The following COL19A1 variants were observed in gnomAD, a reference collection of about 807,000 sequenced individuals.
The protein encoded by COL19A1 is collagen type XIX alpha 1 chain.
COL19A1 carries 159 observed loss-of-function variants against 190.2 expected under a neutral mutation model. That is an observed-to-expected ratio of 0.84 (90% CI 0.73 to 0.95). The LOEUF (loss-of-function observed/expected upper bound fraction) is 0.95. Ranked by LOEUF, COL19A1 falls within the 40% of genes least tolerant of loss-of-function variation. The pLI is 0.00. For synonymous variants in COL19A1, 509 were observed against 458.9 expected, an observed-to-expected ratio of 1.11 and a Z score of -1.39; for missense variants, 1,418 against 1,431.9, an observed-to-expected ratio of 0.99 and a Z score of 0.16.
At chr6:70,109,305 G>A (rs992089375) in intron 16 of COL19A1, among the ~76,000 whole-genome samples, 2 of 152,116 alleles carry the variant, frequency 1.3e-5, no homozygotes, top group African/African-American at 4.8e-5. Context: ...CCATGTAAGG[G>A]CCAGAGCAAG....
chr6:70,025,047 C>T (rs1778652732), intron 12 of COL19A1, among the ~76,000 whole-genome samples: 1 of 143,734 alleles, frequency 7.0e-6, no homozygotes, highest in Non-Finnish European at 1.5e-5. Flanking sequence ...TTTTTTGAGA[C>T]GGAGTCTTGC....
At position 70,077,538 on chromosome 6, in the gene COL19A1, A is replaced by G. The variant is rs149473468; in HGVS notation, c.1224+9062A>G. 1.0e-3 allele frequency among the ~76,000 whole-genome samples: 153 copies of G among 152,344 alleles called. 1 individual carries two copies. The highest frequency in any genetic ancestry group is 3.6e-3 in the African/African-American group (149 of 41,586). On this transcript the variant is annotated intron_variant, in intron 15 of 50. Coordinates refer to ENST00000620364, the MANE Select transcript of COL19A1 (RefSeq NM_001858.6). ...TAATATGTCCAACACAAACATATAC[A>G]TATATGTATGTACATGTATGTAAGC...
chr6:70,185,052 C>T (rs929531980), intron 46 of COL19A1, 137 bp downstream of exon 46: 21 of 722,294 alleles, frequency 2.9e-5, no homozygotes, highest in Non-Finnish European at 3.9e-5. Context: ...GATCAAAGAT[C>T]TCTACCAGAC....
intron 14 of COL19A1, among the ~76,000 whole-genome samples, chr6:70,040,291 G>A (rs986473414): frequency 6.6e-6 from 1 of 152,098 alleles, no homozygotes; most frequent in Non-Finnish European, 1.5e-5. Flanking sequence ...AAAGAAGTGA[G>A]GGTGACCAAG....
At chr6:70,146,514 T>C in intron 25 of COL19A1, 145 bp from the exon 26 acceptor site, 2 of 461,376 alleles carry the variant, frequency 4.3e-6, no homozygotes, top group Non-Finnish European at 7.4e-6. Context: ...CATATTGAAA[T>C]TTTTACTCCC....
Position 70,194,151 on chromosome 6 carries a change from C to T in COL19A1, c.3094+3770C>T, listed in dbSNP as rs150826791. Among the ~76,000 whole-genome samples, 1,063 of 152,254 alleles carry T rather than the reference C, an allele frequency of 7.0e-3. 9 individuals carry two copies. The highest frequency in any genetic ancestry group is 0.042 in the South Asian group (204 of 4,814). ...AGCCTCGAGAGCCATTGTCTCCGAG[C>T]GGCAAGTCGCAGACTGTCAGCAGGG... On this transcript the variant is annotated intron_variant, in intron 48 of 50. Coordinates refer to ENST00000620364, the MANE Select transcript of COL19A1 (RefSeq NM_001858.6).
intron 18 of COL19A1, among the ~76,000 whole-genome samples, chr6:70,130,493 T>G (rs147496921): frequency 6.6e-6 from 1 of 152,234 alleles, no homozygotes; most frequent in African/African-American, 2.4e-5. Context: ...CCCAAAGTTA[T>G]GGGATTACAG....
At chr6:70,162,071 T>C (rs1787843072) in intron 35 of COL19A1, 118 bp downstream of exon 35, 1 of 890,718 alleles carries the variant, frequency 1.1e-6, no homozygotes, top group Non-Finnish European at 1.6e-6. Context: ...TGTCCAGATA[T>C]TGCCTGGAAA....
chr6:70,137,739 G>A lies in COL19A1; in HGVS notation c.1438G>A (p.Gly480Arg). The A allele has an allele frequency of 6.2e-7, 1 of 1,613,130 alleles. No homozygotes were observed. ...GTCTGTTGGCCCTAAAGGACAAAAA[G>A]GAGAACCTGTAAGTATTTTAGCTTT... is the stretch of plus-strand genomic sequence containing the variant. ...PGSVGPKGQK[G>R]EPGEPFTKGE... Residue 480 changes from glycine to arginine, a missense_variant, in exon 19 of 51, where the codon GGA (glycine) becomes AGA (arginine). Transcript: ENST00000620364.
chr6:70,027,168 T>A (rs1562098259), intron 12 of COL19A1, among the ~76,000 whole-genome samples: 1 of 152,208 alleles, frequency 6.6e-6, no homozygotes, highest in Admixed American at 6.5e-5. Context: ...AGCTACTTTC[T>A]AAGTCAGAGT....
chr6:69,938,300 G>C (rs796339691), intron 9 of COL19A1, among the ~76,000 whole-genome samples, 200 bp downstream of exon 9: 1 of 152,076 alleles, frequency 6.6e-6, no homozygotes, highest in Non-Finnish European at 1.5e-5. Context: ...TGGTAGGCTG[G>C]TGTGAACTTT....
At position 69,898,947 on chromosome 6, in the gene COL19A1, G is replaced by A; in HGVS notation, c.92-1G>A. 6.3e-7 allele frequency: 1 copy of A among 1,592,678 alleles called. No homozygotes were observed. Among genetic ancestry groups the A allele is most frequent in the Non-Finnish European group, 8.6e-7 (1 of 1,164,854 alleles). On this transcript the variant is annotated splice_acceptor_variant, in intron 2 of 50. Transcript: ENST00000620364. LOFTEE classifies it high-confidence loss of function. ...TCTATGCTTTTTTTCTTTTTAAATA[G>A]AAGAGTCATGCCCTATCCTGAGAAT...
chr6:69,926,708 A>G (rs1772421551), intron 4 of COL19A1, among the ~76,000 whole-genome samples: 1 of 152,150 alleles, frequency 6.6e-6, no homozygotes, highest in Non-Finnish European at 1.5e-5. Context: ...CTATTTGAAG[A>G]AATAAGCAAT....
chr6:70,074,465 C>T (rs1188660720), intron 15 of COL19A1, among the ~76,000 whole-genome samples: 1 of 142,340 alleles, frequency 7.0e-6, no homozygotes, highest in African/African-American at 2.8e-5. Context: ...TGCCACTATA[C>T]TCCAGCCTGG....
chr6:70,135,912 G>A (rs1239207454), intron 18 of COL19A1, among the ~76,000 whole-genome samples: 1 of 152,088 alleles, frequency 6.6e-6, no homozygotes, highest in Non-Finnish European at 1.5e-5. Context: ...TCCACCCAGG[G>A]GGTGGAATTG....
chr6:69,902,892 GTT>G (rs1230557340), intron 4 of COL19A1, among the ~76,000 whole-genome samples: 1 of 152,136 alleles, frequency 6.6e-6, no homozygotes, highest in African/African-American at 2.4e-5. Flanking sequence ...CCAACACCAG[GTT>G]TTTTTGTTAT....
In COL19A1 at chr6:69,900,222, T is replaced by C. The variant is rs749584209; in HGVS notation, c.167-17T>C. On this transcript the variant is annotated splice_polypyrimidine_tract_variant and intron_variant, in intron 3 of 50. Coordinates refer to ENST00000620364, the MANE Select transcript of COL19A1 (RefSeq NM_001858.6). ...TCTATTAGTTTATTAAATTGAATCA[T>C]CTGTTACATTTTACAGGTTTTGATC... The C allele has an allele frequency of 6.9e-7, 1 of 1,459,422 alleles. No homozygotes were observed. The highest frequency in any genetic ancestry group is 1.3e-5 in the South Asian group (1 of 77,212). 90.4% of individuals were successfully genotyped at this position (1,459,422 alleles called of 1,614,324 possible).
intron 40 of COL19A1, among the ~76,000 whole-genome samples, chr6:70,169,737 C>T (rs1765390590): frequency 6.6e-6 from 1 of 152,034 alleles, no homozygotes; most frequent in African/African-American, 2.4e-5. Flanking sequence ...TACCTGAAAC[C>T]AACTATACGC....
rs141935825 is a variant in COL19A1, at chr6:69,929,155, T to TACACACACAC, written c.391-253_391-244dup. 0.077 allele frequency among the ~76,000 whole-genome samples: 11,366 copies of TACACACACAC among 148,552 alleles called. 509 individuals carry two copies. Among genetic ancestry groups the TACACACACAC allele is most frequent in the African/African-American group, 0.11 (4,552 of 40,572 alleles). On this transcript the variant is annotated intron_variant, in intron 5 of 50. Transcript: ENST00000620364. ...GGTTTATATAAACATTTAAAATAAC[T>TACACACACAC]ACACACACACACACACACACACACA... is the stretch of plus-strand genomic sequence containing the variant.
Sources: allele counts gnomAD v4.1 joint callset (sites outside exome capture counted in the v4.1 genomes callset), GRCh38; gene constraint gnomAD v4.1.1; transcripts MANE v1.5; gene names NCBI Gene and HGNC (gene_info 2026-07-23, HGNC 2026-07-21).